Variants in CDK8 observed in about 807,000 individuals in gnomAD.
The protein encoded by CDK8 is cyclin-dependent kinase 8.
Under a neutral mutation model 71.5 loss-of-function variants are expected in CDK8, and 29 were observed. The ratio of observed to expected loss-of-function variants is 0.41; its 90% CI spans 0.30 to 0.55. The LOEUF (loss-of-function observed/expected upper bound fraction) is 0.55, where lower values mean the gene tolerates loss of function less well. Among genes scored for constraint, CDK8 ranks in the 20% least tolerant of loss-of-function variants. The probability of loss-of-function intolerance (pLI) is 0.37; values close to 1 mark genes in which losing one functional copy is unlikely to be tolerated. For missense variants in CDK8, 288 were observed against 572.6 expected, an observed-to-expected ratio of 0.50 and a Z score of 5.07; for synonymous variants, 161 against 192.1, an observed-to-expected ratio of 0.84 and a Z score of 1.34.
rs1343540800 is a variant in CDK8, at chr13:26,401,652, G to A, written c.1269+28G>A. 6.2e-7 allele frequency: 1 copy of A among 1,607,642 alleles called. No individual in the cohort carries two copies. Among genetic ancestry groups the A allele is most frequent in the South Asian group, 1.1e-5 (1 of 90,936 alleles). On this transcript the variant is annotated intron_variant, in intron 12 of 12. Coordinates refer to ENST00000381527, the MANE Select transcript of CDK8 (RefSeq NM_001260.3). This position sits in a 1 kb window ranked among gnomAD's most constrained non-coding sequence, Gnocchi z 4.5. ...ATTCCAAGTTTATTTTGTATTGACTGCATGTCAGTGTTTACATATGGGTTT... is the reference window on the plus strand; with the variant it reads ...ATTCCAAGTTTATTTTGTATTGACTACATGTCAGTGTTTACATATGGGTTT...
intron 1 of CDK8, among the ~76,000 whole-genome samples, chr13:26,302,515 G>A (rs1424793489): frequency 6.6e-6 from 1 of 152,184 alleles, no homozygotes; most frequent in Non-Finnish European, 1.5e-5. Context: ...CTAAGTTTCT[G>A]TTCTTGGTAT....
intron 2 of CDK8, among the ~76,000 whole-genome samples, chr13:26,337,937 G>T (rs1425462649): frequency 6.6e-6 from 1 of 151,932 alleles, no homozygotes; most frequent in Non-Finnish European, 1.5e-5. Context: ...AGTAAAAGTG[G>T]CATGTTAGTC....
At chr13:26,285,167 A>G (rs1872947268) in intron 1 of CDK8, among the ~76,000 whole-genome samples, 1 of 152,172 alleles carries the variant, frequency 6.6e-6, no homozygotes, top group Non-Finnish European at 1.5e-5. Flanking sequence ...TGAACCCGAG[A>G]GGTCGAGTGA....
intron 6 of CDK8, among the ~76,000 whole-genome samples, chr13:26,389,936 T>A (rs967276348): frequency 6.6e-6 from 1 of 152,148 alleles, no homozygotes; most frequent in Non-Finnish European, 1.5e-5. Context: ...AGGCGGAGGT[T>A]GCAGTGAGCA....
chr13:26,329,571 T>G (rs1875209041), intron 1 of CDK8, among the ~76,000 whole-genome samples: 1 of 151,412 alleles, frequency 6.6e-6, no homozygotes, highest in Admixed American at 6.6e-5. Context: ...GGCAGGATCT[T>G]GGCTCACTGC....
intron 1 of CDK8, among the ~76,000 whole-genome samples, chr13:26,331,980 A>G (rs958800466): frequency 6.6e-6 from 1 of 151,960 alleles, no homozygotes; most frequent in African/African-American, 2.4e-5. Flanking sequence ...GTCATCTTTA[A>G]TTTCTTTTAA....
intron 4 of CDK8, among the ~76,000 whole-genome samples, chr13:26,379,413 A>T (rs1875110299): frequency 6.6e-6 from 1 of 152,198 alleles, no homozygotes; most frequent in African/African-American, 2.4e-5. Flanking sequence ...GATACTATTT[A>T]TCCCCCCACC....
At chr13:26,356,872 T>C (rs1873920969) in intron 4 of CDK8, among the ~76,000 whole-genome samples, 1 of 152,220 alleles carries the variant, frequency 6.6e-6, no homozygotes, top group South Asian at 2.1e-4. Context: ...TTTAGTCAGA[T>C]TTAGATCAAA....
intron 4 of CDK8, among the ~76,000 whole-genome samples, chr13:26,364,762 A>C (rs1565987124): frequency 6.6e-6 from 1 of 152,238 alleles, no homozygotes; most frequent in Admixed American, 6.5e-5. Flanking sequence ...TATTTTTAAA[A>C]TAGCCATATA....
At chr13:26,403,902 T>C in intron 12 of CDK8, 54 bp from the exon 13 acceptor site, 2 of 1,594,664 alleles carry the variant, frequency 1.3e-6, no homozygotes, top group Non-Finnish European at 1.7e-6. Context: ...CATATTGGGA[T>C]TGAGCTTCCC....
At chr13:26,257,085 TAAG>T (rs1223893834) in intron 1 of CDK8, among the ~76,000 whole-genome samples, 1 of 152,204 alleles carries the variant, frequency 6.6e-6, no homozygotes, top group East Asian at 1.9e-4. Flanking sequence ...TCTTTCATAA[TAAG>T]ATGATGATCA....
At chr13:26,364,032 G>A (rs929787494) in intron 4 of CDK8, among the ~76,000 whole-genome samples, 3 of 152,118 alleles carry the variant, frequency 2.0e-5, no homozygotes, top group African/African-American at 7.2e-5. Context: ...TGTTTGAGGT[G>A]TATTTTCTTA....
intron 4 of CDK8, among the ~76,000 whole-genome samples, chr13:26,379,585 A>C (rs1593300356): frequency 6.6e-6 from 1 of 152,204 alleles, no homozygotes; most frequent in East Asian, 1.9e-4. Flanking sequence ...CTGAATGAGT[A>C]AGAAAGTGTG....
At chr13:26,334,339 A>G (rs775348459) in intron 1 of CDK8, among the ~76,000 whole-genome samples, 9 of 152,212 alleles carry the variant, frequency 5.9e-5, no homozygotes, top group Non-Finnish European at 1.2e-4. Context: ...CTTAAACAGT[A>G]GATATAATAG....
chr13:26,281,938 C>A (rs1872769207), intron 1 of CDK8, among the ~76,000 whole-genome samples: 1 of 151,640 alleles, frequency 6.6e-6, no homozygotes, highest in South Asian at 2.1e-4. Context: ...GGAATTCCCA[C>A]AATAGACTAG....
intron 4 of CDK8, 28 bp from the exon 5 acceptor site, chr13:26,382,786 G>A: frequency 6.7e-7 from 1 of 1,498,834 alleles, no homozygotes; most frequent in Non-Finnish European, 9.1e-7. Context: ...ACTGTCTACT[G>A]AAAAAAAACA....
At chr13:26,343,140 G>A (rs1184367234) in intron 2 of CDK8, among the ~76,000 whole-genome samples, 1 of 152,108 alleles carries the variant, frequency 6.6e-6, no homozygotes, top group Non-Finnish European at 1.5e-5. Flanking sequence ...CTTAATTAGC[G>A]GGATATGCTC....
At chr13:26,389,054 C>G (rs1469902821) in intron 6 of CDK8, among the ~76,000 whole-genome samples, 1 of 152,204 alleles carries the variant, frequency 6.6e-6, no homozygotes, top group East Asian at 1.9e-4. Flanking sequence ...AGTCTTACTT[C>G]TATCACTCTG....
intron 1 of CDK8, among the ~76,000 whole-genome samples, chr13:26,286,613 C>G (rs1479423047): frequency 6.6e-6 from 1 of 152,170 alleles, no homozygotes; most frequent in Non-Finnish European, 1.5e-5. Flanking sequence ...ATAAGGACTT[C>G]ATGACCAAGA....
Sources: gnomAD v4.1 joint callset for allele counts (sites outside exome capture counted in the v4.1 genomes callset) on GRCh38, gnomAD v4.1.1 for gene constraint, Gnocchi (gnomAD v3.1) non-coding constraint, MANE v1.5 for transcripts, NCBI Gene and HGNC (gene_info 2026-07-23, HGNC 2026-07-21) for gene names.